The following SUGCT variants were observed in gnomAD, a reference collection of about 807,000 sequenced individuals.
SUGCT encodes succinyl-CoA:glutarate-CoA transferase.
In SUGCT, 41 loss-of-function variants were observed where a neutral mutation model predicts 55.0. The observed-to-expected ratio is 0.74, with a 90% CI of 0.58 to 0.97. The LOEUF (loss-of-function observed/expected upper bound fraction) is 0.97, where lower values mean the gene tolerates loss of function less well. Ranked by LOEUF, SUGCT falls within the 50% of genes least tolerant of loss-of-function variation. SUGCT has a pLI of 0.00. For synonymous variants in SUGCT, 187 were observed against 200.4 expected (o/e 0.93, Z 0.56); for missense variants, 568 against 547.8 (o/e 1.04, Z -0.37).
chr7:40,363,845 T>A (rs931013126), intron 9 of SUGCT, among the ~76,000 whole-genome samples: 1 of 152,206 alleles, frequency 6.6e-6, no homozygotes, highest in Non-Finnish European at 1.5e-5. Context: ...GGTGCAGAGC[T>A]GAGTTCAATT....
At chr7:40,629,255 G>A (rs1333078245) in intron 12 of SUGCT, among the ~76,000 whole-genome samples, 2 of 152,158 alleles carry the variant, frequency 1.3e-5, no homozygotes, top group African/African-American at 4.8e-5. Flanking sequence ...CCTGTGTGCT[G>A]CTCTTCAAGG....
chr7:40,543,105 A>G (rs1458908836), intron 12 of SUGCT, among the ~76,000 whole-genome samples: 1 of 152,164 alleles, frequency 6.6e-6, no homozygotes, highest in Non-Finnish European at 1.5e-5. Flanking sequence ...ATGTTTCAAT[A>G]CGTCTGTTTT....
intron 12 of SUGCT, among the ~76,000 whole-genome samples, chr7:40,571,357 T>C (rs550475338): frequency 6.6e-6 from 1 of 152,344 alleles, no homozygotes; most frequent in Non-Finnish European, 1.5e-5. Context: ...CTTATTCTGT[T>C]ACTTTTTTCT....
chr7:40,503,272 T>C (rs1421478557), intron 12 of SUGCT, among the ~76,000 whole-genome samples: 3 of 152,184 alleles, frequency 2.0e-5, no homozygotes, highest in African/African-American at 7.2e-5. Context: ...TATTCCCAGA[T>C]TACTTATCGC....
intron 10 of SUGCT, among the ~76,000 whole-genome samples, chr7:40,451,166 A>G (rs771196415): frequency 1.3e-4 from 20 of 152,236 alleles, no homozygotes; most frequent in Middle Eastern, 3.4e-3. Context: ...AAGCCAGTTC[A>G]TTGCTATAAA....
intron 11 of SUGCT, among the ~76,000 whole-genome samples, chr7:40,477,185 T>C (rs760023148): frequency 1.3e-5 from 2 of 152,210 alleles, no homozygotes; most frequent in African/African-American, 2.4e-5. Flanking sequence ...ATTATCATAT[T>C]ATACATTCAT....
intron 9 of SUGCT, among the ~76,000 whole-genome samples, chr7:40,367,735 C>T (rs1256699021): frequency 1.3e-5 from 2 of 152,158 alleles, no homozygotes; most frequent in African/African-American, 4.8e-5. Context: ...ACCTCTGCTG[C>T]CCGACCGTGG....
chr7:40,513,361 A>ATGGATATGTG (rs1793049459), intron 12 of SUGCT, among the ~76,000 whole-genome samples: 1 of 152,284 alleles, frequency 6.6e-6, no homozygotes, highest in Admixed American at 6.5e-5. Context: ...ACTTTAGTAT[A>ATGGATATGTG]TGGATATGTG....
intron 12 of SUGCT, among the ~76,000 whole-genome samples, chr7:40,509,798 C>A (rs911639328): frequency 3.3e-5 from 5 of 152,080 alleles, no homozygotes; most frequent in Non-Finnish European, 5.9e-5. Context: ...TTCCTCAGTC[C>A]ATCTGCTGCT....
At chr7:40,278,631 C>T (rs1792705024) in intron 8 of SUGCT, among the ~76,000 whole-genome samples, 1 of 152,106 alleles carries the variant, frequency 6.6e-6, no homozygotes, top group South Asian at 2.1e-4. Flanking sequence ...TATTCCTTGT[C>T]TCTGTCCTCC....
At chr7:40,230,194 G>A (rs2150855895) in intron 6 of SUGCT, among the ~76,000 whole-genome samples, 1 of 152,280 alleles carries the variant, frequency 6.6e-6, no homozygotes, top group East Asian at 1.9e-4. Flanking sequence ...CTAGGTTTGA[G>A]CTGTCCTTGA....
intron 8 of SUGCT, among the ~76,000 whole-genome samples, chr7:40,302,644 G>A (rs575167840): frequency 3.0e-4 from 46 of 152,268 alleles, no homozygotes; most frequent in African/African-American, 1.1e-3. Flanking sequence ...GGGTTTCAAG[G>A]CCAACAGGAG....
Position 40,449,288 on chromosome 7 carries a change from C to T in SUGCT, c.818C>T (p.Ala273Val), listed in dbSNP as rs770530041. Residue 273 changes from alanine (A) to valine (V), a missense_variant and splice_region_variant, in exon 10 of 14, where the codon GCT becomes GTT. Coordinates refer to ENST00000335693, the MANE Select transcript of SUGCT (RefSeq NM_001193313.2). The stretch of plus-strand genomic sequence containing the variant: ...TACCTGTGTATTTATTTCTTTTAGG[C>T]TTTTAAAACCAAGGATGGCTATATT... The part of the protein sequence containing the change: ...TAHGSIVPYQ[A>V]FKTKDGYIVV... The T allele has an allele frequency of 6.2e-7, 1 of 1,607,120 alleles. No homozygotes were observed. The highest frequency in any genetic ancestry group is 8.5e-7 in the Non-Finnish European group (1 of 1,174,828).
intron 1 of SUGCT, among the ~76,000 whole-genome samples, chr7:40,150,295 A>T (rs1270339577): frequency 6.6e-6 from 1 of 151,764 alleles, no homozygotes; most frequent in Non-Finnish European, 1.5e-5. Context: ...GACAGCTCTG[A>T]CTCCCTGTGA....
chr7:40,319,079 G>T lies in SUGCT; in HGVS notation c.816+2224G>T, dbSNP rs1795591133. 3.9e-5 allele frequency among the ~76,000 whole-genome samples: 6 copies of T among 152,098 alleles called. No homozygotes were observed. In the South Asian group the frequency reaches 1.2e-3, roughly 32 times the overall value. On this transcript the variant is annotated intron_variant, in intron 9 of 13. Coordinates refer to ENST00000335693, the MANE Select transcript of SUGCT (RefSeq NM_001193313.2). The stretch of plus-strand genomic sequence containing the variant: ...TCTCTCTGTGTGTGTATCTGTGTCT[G>T]TGTTTGTCTGTTCTTCAATGATAGA...
intron 12 of SUGCT, among the ~76,000 whole-genome samples, chr7:40,578,527 G>C (rs1796900399): frequency 6.6e-6 from 1 of 152,100 alleles, no homozygotes; most frequent in Non-Finnish European, 1.5e-5. Context: ...GAAGAGTTTG[G>C]TACTAGCTAT....
At chr7:40,578,939 T>C (rs1254587348) in intron 12 of SUGCT, among the ~76,000 whole-genome samples, 1 of 152,212 alleles carries the variant, frequency 6.6e-6, no homozygotes, top group Non-Finnish European at 1.5e-5. Flanking sequence ...TATCACAGTA[T>C]TACCAGTTCT....
At chr7:40,742,398 T>A (rs1787509207) in intron 12 of SUGCT, among the ~76,000 whole-genome samples, 1 of 152,178 alleles carries the variant, frequency 6.6e-6, no homozygotes, top group South Asian at 2.1e-4. Context: ...AGTTTTTCCA[T>A]GGACGGGGAT....
At chr7:40,848,435 A>G (rs541651029) in intron 13 of SUGCT, among the ~76,000 whole-genome samples, 1 of 152,184 alleles carries the variant, frequency 6.6e-6, no homozygotes, top group Non-Finnish European at 1.5e-5. Flanking sequence ...TTTTTCCTGG[A>G]TGTACCCTAA....
Sources: gnomAD v4.1 joint callset for allele counts (sites outside exome capture counted in the v4.1 genomes callset) on GRCh38, gnomAD v4.1.1 for gene constraint, MANE v1.5 for transcripts, NCBI Gene and HGNC (gene_info 2026-07-23, HGNC 2026-07-21) for gene names.